ABCA13: variants seen among roughly 807,000 people sequenced by gnomAD.
The protein encoded by ABCA13 is ATP binding cassette subfamily A member 13.
In ABCA13, 476 loss-of-function variants were observed where a neutral mutation model predicts 478.7. The ratio of observed to expected loss-of-function variants is 0.99; its 90% CI spans 0.92 to 1.07. ABCA13 has a LOEUF of 1.07. Ranked by LOEUF, ABCA13 falls within the 50% of genes least tolerant of loss-of-function variation. The pLI, the probability that ABCA13 is intolerant of heterozygous loss-of-function variation, is 0.00. For synonymous variants in ABCA13, 2,252 were observed against 2,158.9 expected, an observed-to-expected ratio of 1.04 and a Z score of -1.20; for missense variants, 6,060 against 5,910.6, an observed-to-expected ratio of 1.03 and a Z score of -0.83.
chr7:48,511,303 T>C, intron 51 of ABCA13, 104 bp downstream of exon 51: 1 of 921,880 alleles, frequency 1.1e-6, no homozygotes, highest in East Asian at 2.6e-5. Context: ...TTTCCTCTCT[T>C]TTGAAGCAAT....
chr7:48,450,114 A>C (rs1372015931), intron 42 of ABCA13, among the ~76,000 whole-genome samples: 1 of 152,210 alleles, frequency 6.6e-6, no homozygotes, highest in African/African-American at 2.4e-5. Flanking sequence ...TTGCACTAGT[A>C]AATACTCACT....
intron 5 of ABCA13, among the ~76,000 whole-genome samples, chr7:48,222,942 A>G (rs931841308): frequency 6.6e-6 from 1 of 152,164 alleles, no homozygotes; most frequent in African/African-American, 2.4e-5. Context: ...TCATCCTTCT[A>G]TGCAACATTA....
chr7:48,271,823 A>G lies in ABCA13; in HGVS notation c.2157A>G (p.Glu719=), dbSNP rs1795649994. ...LNFTKHLLMM[E]KKLHTLEDEQ... ...TCACAAAGCACCTTCTAATGATGGA[A>G]AAGAAGTTGCACACCCTTGAGGATG... Residue 719 remains glutamate (E), a synonymous_variant, in exon 17 of 62, where the codon GAA becomes GAG. Transcript: ENST00000435803. 2 of 1,550,088 alleles carry G rather than the reference A, an allele frequency of 1.3e-6. No homozygotes were observed. Among genetic ancestry groups the G allele is most frequent in the African/African-American group, 1.4e-5 (1 of 73,170 alleles).
At chr7:48,306,503 A>G (rs773377506) in intron 23 of ABCA13, among the ~76,000 whole-genome samples, 8 of 152,144 alleles carry the variant, frequency 5.3e-5, no homozygotes, top group Non-Finnish European at 1.2e-4. Flanking sequence ...TGTGGGACTG[A>G]TCAAAGAGAG....
At chr7:48,361,333 CT>C (rs1810800106) in intron 31 of ABCA13, among the ~76,000 whole-genome samples, 1 of 151,468 alleles carries the variant, frequency 6.6e-6, no homozygotes, top group Non-Finnish European at 1.5e-5. Flanking sequence ...CAATTTTCTT[CT>C]CTCCCTTTCT....
chr7:48,635,742 G>A (rs528118147), intron 59 of ABCA13, among the ~76,000 whole-genome samples: 1 of 152,278 alleles, frequency 6.6e-6, no homozygotes, highest in Admixed American at 6.5e-5. Flanking sequence ...CTGGAGTGGA[G>A]TTTCCATTTC....
rs913022791 is a variant in ABCA13, at chr7:48,401,997, G to A, written c.11874-1686G>A. On this transcript the variant is annotated intron_variant, in intron 38 of 61. Transcript: ENST00000435803. ...GGTTGGTCCCTTTTGCTTACATCTT[G>A]TTTGACACCTGTGTAGTGAAGGTTC... Among the ~76,000 whole-genome samples the A allele has an allele frequency of 5.3e-5, 8 of 152,160 alleles. 1 individual carries two copies. The South Asian group carries it at 1.4e-3, about 28-fold the overall frequency.
intron 43 of ABCA13, among the ~76,000 whole-genome samples, chr7:48,462,313 G>A (rs1271144794): frequency 6.6e-6 from 1 of 151,920 alleles, no homozygotes; most frequent in Non-Finnish European, 1.5e-5. Flanking sequence ...TGATATGAGG[G>A]GGATTATTTT....
chr7:48,235,026 T>G (rs1302941713), intron 8 of ABCA13, among the ~76,000 whole-genome samples: 1 of 152,184 alleles, frequency 6.6e-6, no homozygotes, highest in Non-Finnish European at 1.5e-5. Flanking sequence ...AGACTGTTGC[T>G]TTCAGTATTT....
intron 45 of ABCA13, among the ~76,000 whole-genome samples, chr7:48,473,181 G>GAGT (rs1307299153): frequency 6.6e-6 from 1 of 152,206 alleles, no homozygotes; most frequent in Non-Finnish European, 1.5e-5. Flanking sequence ...CAACATGTGG[G>GAGT]AGTACAAATC....
intron 59 of ABCA13, among the ~76,000 whole-genome samples, chr7:48,624,611 A>G (rs1020334912): frequency 2.6e-5 from 4 of 151,414 alleles, no homozygotes; most frequent in African/African-American, 9.7e-5. Context: ...GTGCGAGTGC[A>G]ATGACACGAT....
intron 35 of ABCA13, among the ~76,000 whole-genome samples, chr7:48,383,274 C>G (rs550949788): frequency 6.6e-6 from 1 of 152,324 alleles, no homozygotes; most frequent in Admixed American, 6.5e-5. Context: ...ACACTTGTGT[C>G]TGTGTACATG....
chr7:48,452,666 A>G (rs534138966), intron 42 of ABCA13, among the ~76,000 whole-genome samples: 3 of 152,356 alleles, frequency 2.0e-5, no homozygotes, highest in Admixed American at 6.5e-5. Flanking sequence ...CTAGATGTGA[A>G]TGTCAAAAGC....
chr7:48,482,065 T>C (rs896616133), intron 46 of ABCA13, among the ~76,000 whole-genome samples: 4 of 152,084 alleles, frequency 2.6e-5, no homozygotes, highest in Non-Finnish European at 5.9e-5. Flanking sequence ...ATGTTAACCC[T>C]TTTTTTGAAG....
In ABCA13 at chr7:48,483,174, T is replaced by TC; in HGVS notation, c.13182+11_13182+12insC. ...CCAACTCTGGCAAAGGTAATCATATTTTTTTATTTTTTTCCTGTTTTAGAA... is the reference window on the plus strand; with the variant it reads ...CCAACTCTGGCAAAGGTAATCATATTCTTTTTATTTTTTTCCTGTTTTAGAA... On this transcript the variant is annotated intron_variant, in intron 47 of 61. Coordinates refer to ENST00000435803, the MANE Select transcript of ABCA13 (RefSeq NM_152701.5). The TC allele has an allele frequency of 6.3e-7, 1 of 1,598,664 alleles. No individual in the cohort carries two copies. Among genetic ancestry groups the TC allele is most frequent in the Non-Finnish European group, 8.5e-7 (1 of 1,171,284 alleles).
intron 55 of ABCA13, among the ~76,000 whole-genome samples, chr7:48,558,982 C>T (rs929706558): frequency 6.6e-6 from 1 of 152,136 alleles, no homozygotes; most frequent in East Asian, 1.9e-4. Flanking sequence ...TTCTTTGGCC[C>T]CCTCTCAGCT....
chr7:48,605,404 G>T (rs1174677329), intron 58 of ABCA13, among the ~76,000 whole-genome samples: 1 of 152,216 alleles, frequency 6.6e-6, no homozygotes, highest in African/African-American at 2.4e-5. Context: ...TCCTTCAGGA[G>T]CTCTTGTAAG....
chr7:48,352,623 C>T lies in ABCA13; in HGVS notation c.10688+136C>T, dbSNP rs562781571. On this transcript the variant is annotated intron_variant, in intron 31 of 61. Transcript: ENST00000435803. The stretch of plus-strand genomic sequence containing the variant: ...AAGTTCACCCCCCACTTTTTAATTT[C>T]GTAAGGTTCATTTTTTTTATATGCT... 100 of 1,001,150 alleles carry T rather than the reference C, an allele frequency of 1.0e-4. 1 individual carries two copies. In the South Asian group the frequency reaches 1.5e-3, roughly 15 times the overall value. 62.0% of individuals were successfully genotyped at this position (1,001,150 alleles called of 1,614,324 possible).
intron 23 of ABCA13, among the ~76,000 whole-genome samples, chr7:48,304,511 C>G (rs1344248433): frequency 6.6e-6 from 1 of 152,082 alleles, no homozygotes; most frequent in Non-Finnish European, 1.5e-5. Flanking sequence ...TAATAATAGC[C>G]TTTCTGACTG....
Sources: allele counts gnomAD v4.1 joint callset (sites outside exome capture counted in the v4.1 genomes callset), GRCh38; gene constraint gnomAD v4.1.1; transcripts MANE v1.5; gene names NCBI Gene and HGNC (gene_info 2026-07-23, HGNC 2026-07-21).